The following SNX19 variants were observed in gnomAD, a reference collection of about 807,000 sequenced individuals.
The protein encoded by SNX19 is sorting nexin 19, also known as sorting nexin-19.
A neutral mutation model predicts 85.2 loss-of-function variants in SNX19; 60 were observed. That is an observed-to-expected ratio of 0.70 (90% CI 0.57 to 0.87). The LOEUF is 0.87. Among genes scored for constraint, SNX19 ranks in the 40% least tolerant of loss-of-function variants. The pLI is 0.00. For missense variants in SNX19, 1,201 were observed against 1,217.8 expected (o/e 0.99, Z 0.21); for synonymous variants, 520 against 470.0 (o/e 1.11, Z -1.38).
intron 4 of SNX19, 56 bp from the exon 5 acceptor site, chr11:130,908,139 C>G: frequency 6.3e-7 from 1 of 1,593,336 alleles, no homozygotes; most frequent in Non-Finnish European, 8.6e-7. Flanking sequence ...TGGAAACCGC[C>G]AAGCAAGCAG....
intron 8 of SNX19, among the ~76,000 whole-genome samples, chr11:130,884,293 G>A (rs1943892343): frequency 6.6e-6 from 1 of 152,176 alleles, no homozygotes; most frequent in African/African-American, 2.4e-5. Context: ...AGGGGCAGAA[G>A]TCTCAACTCC....
At chr11:130,907,650 C>T (rs1945773600) in intron 5 of SNX19, among the ~76,000 whole-genome samples, 1 of 152,102 alleles carries the variant, frequency 6.6e-6, no homozygotes, top group Non-Finnish European at 1.5e-5. Flanking sequence ...CTCAATTTTC[C>T]AGGAAAAGAG....
At chr11:130,902,133 G>A (rs1188495876) in intron 8 of SNX19, among the ~76,000 whole-genome samples, 3 of 152,216 alleles carry the variant, frequency 2.0e-5, no homozygotes, top group Non-Finnish European at 4.4e-5. Context: ...TGCTACTAAT[G>A]ACGACCTTGG....
At chr11:130,911,426 A>C in intron 2 of SNX19, 3 of 1,375,176 alleles carry the variant, frequency 2.2e-6, no homozygotes, top group Non-Finnish European at 2.8e-6. Flanking sequence ...GCTCCAGAAC[A>C]AAGCAGTTGG....
At chr11:130,885,891 G>C (rs1333920383) in intron 8 of SNX19, among the ~76,000 whole-genome samples, 2 of 152,200 alleles carry the variant, frequency 1.3e-5, no homozygotes, top group South Asian at 2.1e-4. Context: ...ATTACCCTGA[G>C]AGCAGGGTTT....
Position 130,914,734 on chromosome 11 carries a change from C to T in SNX19, c.1206G>A (p.Leu402=). 6.2e-7 allele frequency: 1 copy of T among 1,614,128 alleles called. No individual in the cohort carries two copies. Reference sequence around the variant, plus strand: ...GAGCCTGGGAACTCTCTAGGGCACACAGGGCATCCTGAATCCTGTCAGAGA... The same window carrying T: ...GAGCCTGGGAACTCTCTAGGGCACATAGGGCATCCTGAATCCTGTCAGAGA... ...SFLSDRIQDA[L]CALESSQALE... is the part of the protein sequence containing the mutation. Residue 402 remains leucine, a synonymous_variant, in exon 1 of 11, where the codon CTG becomes CTA. Transcript: ENST00000265909.
chr11:130,897,648 C>A (rs1944969261), intron 8 of SNX19, among the ~76,000 whole-genome samples: 1 of 152,212 alleles, frequency 6.6e-6, no homozygotes, highest in African/African-American at 2.4e-5. Context: ...AATCCTACCC[C>A]TTACCTTGGC....
intron 1 of SNX19, among the ~76,000 whole-genome samples, chr11:130,913,162 G>A (rs1286838491): frequency 6.6e-6 from 1 of 152,034 alleles, no homozygotes; most frequent in East Asian, 1.9e-4. Flanking sequence ...AAAACCTGCT[G>A]TTTTATGTCA....
chr11:130,909,871 C>T lies in SNX19; in HGVS notation c.2034+147G>A, dbSNP rs1006370159. 1.9e-5 allele frequency: 20 copies of T among 1,067,852 alleles called. No individual in the cohort carries two copies. The African/African-American group carries it at 2.7e-4, about 14-fold the overall frequency. The allele number at this position is 1,067,852 out of a possible 1,614,324, so 66.1% of individuals were successfully genotyped here. A position where few individuals can be genotyped will look rare whatever the true frequency, so the allele number is the denominator to read the frequency against. On this transcript the variant is annotated intron_variant, in intron 4 of 10. Transcript: ENST00000265909. ...ACCAATATTTGGCAACAGGTCTTGA[C>T]AATTTAAGTCCATGTTCTATTGACG...
chr11:130,880,546 G>T, intron 9 of SNX19, 76 bp downstream of exon 9: 3 of 1,317,610 alleles, frequency 2.3e-6, no homozygotes, highest in East Asian at 4.7e-5. Context: ...AACAGGAAAA[G>T]GTGCAGGGGT....
rs145567622 is a variant in SNX19, at chr11:130,906,122, A to C, written c.2274T>G (p.Thr758=). ...AAGATTCCATCGCAGACATGGATAG[A>C]GTCTCAGACTCCTAAGAAATAGTCA... ...CLQEGNVESE[T]LSMSAMESFI... The change falls in exon 7 of 11, where the codon ACT becomes ACG. Residue 758 remains threonine (T), a synonymous_variant. Transcript: ENST00000265909. 251 of 1,613,788 alleles carry C rather than the reference A, an allele frequency of 1.6e-4. No individual in the cohort carries two copies. In the African/African-American group the frequency reaches 2.9e-3, roughly 19 times the overall value.
At chr11:130,879,594 C>T (rs758703665) in intron 10 of SNX19, 30 bp downstream of exon 10, 1 of 1,592,834 alleles carries the variant, frequency 6.3e-7, no homozygotes, top group East Asian at 2.2e-5. Context: ...TGTAACTATG[C>T]TGATGTTGGA....
In SNX19 at chr11:130,878,431, G is replaced by A. The variant is rs763664174; in HGVS notation, c.2970C>T (p.Val990=). The A allele has an allele frequency of 3.7e-6, 6 of 1,613,662 alleles. No homozygotes were observed. Among genetic ancestry groups the A allele is most frequent in the Non-Finnish European group, 5.1e-6 (6 of 1,179,754 alleles). ...DTPGNSKRMG[V]SS ...AGGCGTGAATAACCAGCTAAGAGGA[G>A]ACACCCATCCTCTTAGAGTTGCCTG... Residue 990 remains valine, a synonymous_variant, in exon 11 of 11, where the codon GTC becomes GTT. Coordinates refer to ENST00000265909, the MANE Select transcript of SNX19 (RefSeq NM_014758.3).
Position 130,910,311 on chromosome 11 carries a change from T to C in SNX19, c.1873A>G (p.Arg625Gly). The C allele has an allele frequency of 6.2e-7, 1 of 1,613,370 alleles. No individual in the cohort carries two copies. The highest frequency in any genetic ancestry group is 8.5e-7 in the Non-Finnish European group (1 of 1,179,874). ...DLPLGNMDSD[R>G]VEARKSLLES... ...AGGAGGCTCTTACGGGCTTCTACTC[T>C]GTCACTGTCCATGTTTCCCAATGGA... The change falls in exon 3 of 11, where the codon AGA becomes GGA. Residue 625 changes from arginine to glycine, a missense_variant. By Grantham distance (125) the Arg-to-Gly change is moderately radical. Transcript: ENST00000265909.
Position 130,914,668 on chromosome 11 carries a change from AGCCTCTGC to A in SNX19, c.1264_1271del (p.Ala422Ter). 2.5e-6 allele frequency: 4 copies of A among 1,613,908 alleles called. No individual in the cohort carries two copies. The highest frequency in any genetic ancestry group is 3.4e-6 in the Non-Finnish European group (4 of 1,179,862). ...CTGTTTCTGTCCCTGGACCCTCCTCAGCCTCTGCTCCTTCAGATGCCTCACCATCTTTG... is the reference window on the plus strand; with the variant it reads ...CTGTTTCTGTCCCTGGACCCTCCTCATCCTTCAGATGCCTCACCATCTTTG... On this transcript the variant is annotated frameshift_variant, in exon 1 of 11. Coordinates refer to ENST00000265909, the MANE Select transcript of SNX19 (RefSeq NM_014758.3). LOFTEE classifies it high-confidence loss of function.
rs992836879 is a variant in SNX19 at position 130,867,305 on chromosome 11, A to G, written c.*11117T>C. On this transcript the variant is annotated 3_prime_UTR_variant, in exon 11 of 11. Transcript: ENST00000265909. ...TATAGAAAGTCCTATACATGTGTGA[A>G]GTCTTTTCCTCAGAGGAATGATGAA... 6 of 152,222 alleles carry G rather than the reference A, an allele frequency of 3.9e-5. No homozygotes were observed. Among genetic ancestry groups the G allele is most frequent in the Non-Finnish European group, 8.8e-5 (6 of 68,034 alleles). 9.4% of individuals were successfully genotyped at this position (152,222 alleles called of 1,614,324 possible).
At chr11:130,898,751 C>T (rs1254700281) in intron 8 of SNX19, among the ~76,000 whole-genome samples, 1 of 152,204 alleles carries the variant, frequency 6.6e-6, no homozygotes, top group East Asian at 1.9e-4. Context: ...CTGCAACTGT[C>T]CCAGGGATAG....
At position 130,880,707 on chromosome 11, in the gene SNX19, A is replaced by T; in HGVS notation, c.2673T>A (p.Pro891=). The change falls in exon 9 of 11, where the codon CCT becomes CCA. Residue 891 remains proline (P), a synonymous_variant. Coordinates refer to ENST00000265909, the MANE Select transcript of SNX19 (RefSeq NM_014758.3). ...QESIWPGGVL[P]KFPRPVRTQE... ...GGGTCCTTACGGGCCGTGGAAACTT[A>T]GGCAAAACTCCACCAGGCCAGATGG... 2 of 1,612,478 alleles carry T rather than the reference A, an allele frequency of 1.2e-6. No individual in the cohort carries two copies. Among genetic ancestry groups the T allele is most frequent in the Non-Finnish European group, 1.7e-6 (2 of 1,178,732 alleles).
Position 130,903,266 on chromosome 11 carries a change from G to T in SNX19, c.2562C>A (p.Thr854=). The T allele has an allele frequency of 1.9e-6, 3 of 1,613,576 alleles. No homozygotes were observed. Among genetic ancestry groups the T allele is most frequent in the Non-Finnish European group, 2.5e-6 (3 of 1,179,662 alleles). Residue 854 remains threonine (T), a synonymous_variant, in exon 8 of 11, where the codon ACC becomes ACA. Transcript: ENST00000265909. The part of the protein sequence containing the change: ...MQKFLRLIFG[T]LVQRWLEVQV... ...TTCAGCAGTCTTACCTTTGAACTAG[G>T]GTCCCAAAGATAAGACGAAGAAACT... is the stretch of plus-strand genomic sequence containing the variant.
Sources: gnomAD v4.1 joint callset for allele counts (sites outside exome capture counted in the v4.1 genomes callset) on GRCh38, gnomAD v4.1.1 for gene constraint, MANE v1.5 for transcripts, NCBI Gene and HGNC (gene_info 2026-07-23, HGNC 2026-07-21) for gene names.